Variants in STOX2 observed in about 807,000 individuals in gnomAD.
STOX2 encodes the protein storkhead-box protein 2.
STOX2 carries 28 observed loss-of-function variants against 60.9 expected under a neutral mutation model. The ratio of observed to expected loss-of-function variants is 0.46; its 90% CI spans 0.34 to 0.63. STOX2 has a LOEUF of 0.63. Ranked by LOEUF, STOX2 falls within the 30% of genes least tolerant of loss-of-function variation. The pLI is 0.01. For missense variants in STOX2, 1,024 were observed against 1,187.7 expected, an observed-to-expected ratio of 0.86 and a Z score of 2.03; for synonymous variants, 472 against 463.9, an observed-to-expected ratio of 1.02 and a Z score of -0.22.
At chr4:183,999,706 C>T (rs944614549) in intron 1 of STOX2, among the ~76,000 whole-genome samples, 8 of 152,194 alleles carry the variant, frequency 5.3e-5, no homozygotes, top group African/African-American at 1.9e-4. Context: ...GTCCCAGGCC[C>T]TGCTGCCTGA....
At chr4:184,015,145 A>G (rs1323455421) in intron 3 of STOX2, 1 of 152,208 alleles carries the variant, frequency 6.6e-6, no homozygotes, top group African/African-American at 2.4e-5. Context: ...ACATCCCATC[A>G]TAACTCTCTA....
At chr4:183,840,369 G>A (rs1435267631) in intron 1 of STOX2, among the ~76,000 whole-genome samples, 1 of 152,128 alleles carries the variant, frequency 6.6e-6, no homozygotes, top group African/African-American at 2.4e-5. Context: ...GTTCTCTGAA[G>A]GAGGAATTCT....
chr4:183,933,589 A>G (rs1742500508), intron 1 of STOX2, among the ~76,000 whole-genome samples: 1 of 152,104 alleles, frequency 6.6e-6, no homozygotes, highest in Non-Finnish European at 1.5e-5. Flanking sequence ...GGGTTTCGCC[A>G]TGTTGGCCGG....
chr4:184,006,990 TG>T (rs1733882510), intron 2 of STOX2, among the ~76,000 whole-genome samples: 1 of 111,818 alleles, frequency 8.9e-6, no homozygotes, highest in Non-Finnish European at 1.6e-5. Flanking sequence ...CACTCCAGCC[TG>T]GGCGACAGAG....
intron 1 of STOX2, among the ~76,000 whole-genome samples, chr4:183,858,686 G>A (rs1740361007): frequency 6.6e-6 from 1 of 152,172 alleles, no homozygotes. Flanking sequence ...AGCTGTGATA[G>A]TTATCCCTCT....
intron 1 of STOX2, among the ~76,000 whole-genome samples, chr4:183,948,335 G>A (rs1012861675): frequency 1.3e-5 from 2 of 150,684 alleles, no homozygotes; most frequent in African/African-American, 2.4e-5. Flanking sequence ...CAATTTTTAG[G>A]TTGCGCATTT....
At chr4:183,925,674 T>C (rs1279518277) in intron 1 of STOX2, among the ~76,000 whole-genome samples, 1 of 152,206 alleles carries the variant, frequency 6.6e-6, no homozygotes, top group Non-Finnish European at 1.5e-5. Flanking sequence ...GTAATACATA[T>C]AACTAGGACT....
At chr4:183,881,134 C>T (rs576320347) in intron 1 of STOX2, among the ~76,000 whole-genome samples, 3 of 152,262 alleles carry the variant, frequency 2.0e-5, no homozygotes, top group Non-Finnish European at 2.9e-5. Context: ...TACTCGCAAG[C>T]TCAGAGATTG....
intron 1 of STOX2, among the ~76,000 whole-genome samples, chr4:183,880,499 T>G (rs1212825368): frequency 6.6e-6 from 1 of 152,194 alleles, no homozygotes; most frequent in East Asian, 1.9e-4. Flanking sequence ...AAAGCTACTG[T>G]TAGAATTTTA....
chr4:183,964,461 C>G (rs1288509033), intron 1 of STOX2, among the ~76,000 whole-genome samples: 1 of 152,070 alleles, frequency 6.6e-6, no homozygotes, highest in Non-Finnish European at 1.5e-5. Context: ...TATCTCAGTA[C>G]CTGTTTATCT....
chr4:183,819,071 A>G (rs1172058406), intron 1 of STOX2, among the ~76,000 whole-genome samples: 80 of 143,204 alleles, frequency 5.6e-4, no homozygotes, highest in African/African-American at 1.8e-3. Context: ...CTGGGCAGCC[A>G]GGCAGAGGGG....
At position 183,906,529 on chromosome 4, in the gene STOX2, T is replaced by A. The variant is rs1741613818; in HGVS notation, c.-262T>A. 2 of 177,534 alleles carry A rather than the reference T, an allele frequency of 1.1e-5. No homozygotes were observed. The highest frequency in any genetic ancestry group is 1.2e-5 in the Non-Finnish European group (1 of 86,284). 11.0% of individuals were successfully genotyped at this position (177,534 alleles called of 1,614,324 possible). On this transcript the variant is annotated 5_prime_UTR_variant, in exon 1 of 4. Transcript: ENST00000308497. ...TAACGTGCCTTTCCCCCCAGGAATCTGGAAGCTATAAGCCGGGCGGATTGC... is the reference window on the plus strand; with the variant it reads ...TAACGTGCCTTTCCCCCCAGGAATCAGGAAGCTATAAGCCGGGCGGATTGC...
chr4:184,011,740 A>G lies in STOX2; in HGVS notation c.2585+317A>G. 1.2e-6 allele frequency: 1 copy of G among 834,212 alleles called. No homozygotes were observed. Among genetic ancestry groups the G allele is most frequent in the Non-Finnish European group, 1.6e-6 (1 of 609,564 alleles). 51.7% of individuals were successfully genotyped at this position (834,212 alleles called of 1,614,324 possible). ...TCATATTGCCACCCATGCTAAGAGA[A>G]GGATGTTTTTTAAGTCCTTCAAAAA... On this transcript the variant is annotated intron_variant, in intron 3 of 3. Transcript: ENST00000308497. The surrounding 1 kb of genome is among the most constrained non-coding windows in gnomAD (Gnocchi z 4.4).
At chr4:183,977,624 T>C (rs765576758) in intron 1 of STOX2, among the ~76,000 whole-genome samples, 15 of 151,850 alleles carry the variant, frequency 9.9e-5, no homozygotes, top group Non-Finnish European at 1.9e-4. Context: ...ATATCTTTCC[T>C]CTTGTGAGTA....
At chr4:183,992,453 G>C (rs770428768) in intron 1 of STOX2, among the ~76,000 whole-genome samples, 1 of 152,236 alleles carries the variant, frequency 6.6e-6, no homozygotes, top group Non-Finnish European at 1.5e-5. Flanking sequence ...GGAAACTGGA[G>C]CATCTAATGT....
intron 1 of STOX2, among the ~76,000 whole-genome samples, chr4:183,938,860 C>T (rs549955510): frequency 2.8e-4 from 42 of 152,040 alleles, no homozygotes; most frequent in Admixed American, 7.9e-4. Flanking sequence ...TTGTAGCATC[C>T]GTTGCTACAT....
intron 1 of STOX2, among the ~76,000 whole-genome samples, chr4:183,811,723 G>A (rs1739037350): frequency 6.6e-6 from 1 of 152,078 alleles, no homozygotes; most frequent in African/African-American, 2.4e-5. Context: ...TGTTTCCTGT[G>A]AAAAAAGTTT....
intron 3 of STOX2, 136 bp from the exon 4 acceptor site, chr4:184,016,953 C>A: frequency 1.4e-6 from 1 of 692,578 alleles, no homozygotes; most frequent in Non-Finnish European, 2.3e-6. Context: ...AATAATCAGT[C>A]GAGATGTATA....
intron 1 of STOX2, among the ~76,000 whole-genome samples, chr4:183,893,523 G>A (rs1741274861): frequency 6.6e-6 from 1 of 152,158 alleles, no homozygotes; most frequent in Admixed American, 6.5e-5. Context: ...GGAAACATTT[G>A]CAACAGATCT....
Sources: allele counts gnomAD v4.1 joint callset (sites outside exome capture counted in the v4.1 genomes callset), GRCh38; gene constraint gnomAD v4.1.1; non-coding constraint Gnocchi (gnomAD v3.1); transcripts MANE v1.5; gene names NCBI Gene and HGNC (gene_info 2026-07-23, HGNC 2026-07-21).